Variants in VWCE observed in about 807,000 individuals in gnomAD.
The protein encoded by VWCE is von Willebrand factor C and EGF domain-containing protein.
Under a neutral mutation model 102.9 loss-of-function variants are expected in VWCE, and 68 were observed. The ratio of observed to expected loss-of-function variants is 0.66; its 90% CI spans 0.54 to 0.81. The LOEUF (loss-of-function observed/expected upper bound fraction) is 0.81, where lower values mean the gene tolerates loss of function less well. Among genes scored for constraint, VWCE ranks in the 30% least tolerant of loss-of-function variants. VWCE has a pLI of 0.00. For synonymous variants in VWCE, 497 were observed against 515.4 expected, an observed-to-expected ratio of 0.96 and a Z score of 0.48; for missense variants, 1,137 against 1,263.6, an observed-to-expected ratio of 0.90 and a Z score of 1.52.
At chr11:61,279,034 G>C (rs759394528) in intron 9 of VWCE, among the ~76,000 whole-genome samples, 1 of 149,320 alleles carries the variant, frequency 6.7e-6, no homozygotes, top group Non-Finnish European at 1.5e-5. Flanking sequence ...GCAACACTCC[G>C]TCTTAAAAAA....
chr11:61,280,530 T>G (rs2134810335), intron 9 of VWCE, 94 bp downstream of exon 9: 1 of 1,250,910 alleles, frequency 8.0e-7, no homozygotes. Flanking sequence ...GAGATTCTAA[T>G]GTATGCTAAT....
Position 61,280,822 on chromosome 11 carries a change from C to T in VWCE, c.1201G>A (p.Glu401Lys). ...AMHESRSRWT[E>K]PGCSQCWCED... ...CACCAGCACTGGGAACACCCAGGCTCTGTCCAGCGACTCCTTGATTCATGC... is the reference window on the plus strand; with the variant it reads ...CACCAGCACTGGGAACACCCAGGCTTTGTCCAGCGACTCCTTGATTCATGC... The change falls in exon 8 of 20, where the codon GAG becomes AAG. Residue 401 changes from glutamate to lysine, a missense_variant. Physicochemically the swap from Glu to Lys is moderately conservative, Grantham distance 56. Transcript: ENST00000335613. 6.4e-7 allele frequency: 1 copy of T among 1,573,768 alleles called. No homozygotes were observed. The highest frequency in any genetic ancestry group is 8.6e-7 in the Non-Finnish European group (1 of 1,160,676).
At chr11:61,280,551 A>G in intron 9 of VWCE, 73 bp downstream of exon 9, 1 of 1,477,510 alleles carries the variant, frequency 6.8e-7, no homozygotes, top group Non-Finnish European at 9.3e-7. Flanking sequence ...GTTAAAGAAC[A>G]GCCTTTTGGC....
Position 61,271,700 on chromosome 11 carries a change from T to A in VWCE, c.1760A>T (p.Asp587Val), listed in dbSNP as rs760336274. ...FPIGQIWSPG[D>V]PCELCICQAD... ...CTGGCAGATGCATAACTCACAGGGG[T>A]CACCAGGCGACCAGATCTGTCCAAT... Residue 587 changes from aspartate to valine, a missense_variant, in exon 14 of 20, where the codon GAC (aspartate) becomes GTC (valine). By Grantham distance (152) the Asp-to-Val change is radical (BLOSUM62 -3). Transcript: ENST00000335613. The A allele has an allele frequency of 2.6e-5, 42 of 1,613,104 alleles. No homozygotes were observed. Among genetic ancestry groups the A allele is most frequent in the Non-Finnish European group, 3.4e-5 (40 of 1,179,678 alleles).
At chr11:61,268,377 A>G (rs1854573495) in intron 15 of VWCE, among the ~76,000 whole-genome samples, 1 of 152,122 alleles carries the variant, frequency 6.6e-6, no homozygotes, top group Admixed American at 6.5e-5. Flanking sequence ...AACATGGTGA[A>G]ACCCCATCTC....
In VWCE at chr11:61,290,870, C is replaced by G; in HGVS notation, c.353G>C (p.Cys118Ser). 2.5e-6 allele frequency: 4 copies of G among 1,613,904 alleles called. No homozygotes were observed. Among genetic ancestry groups the G allele is most frequent in the Non-Finnish European group, 2.5e-6 (3 of 1,180,020 alleles). ...GGGGCACACTCGGGCCACCTCCTGA[C>G]AGCCTCCATGGTTGCAGGTAAGGTC... The part of the protein sequence containing the change: ...GCDLTCNHGG[C>S]QEVARVCPVG... Residue 118 changes from cysteine (C) to serine (S), a missense_variant, in exon 4 of 20, where the codon TGT (cysteine) becomes TCT (serine). Physicochemically the swap from Cys to Ser is moderately radical, Grantham distance 112. This residue lies in a region of VWCE where 575 missense variants were observed against 625.9 expected (regional missense o/e 0.92). Coordinates refer to ENST00000335613, the MANE Select transcript of VWCE (RefSeq NM_152718.2).
At chr11:61,278,101 T>C (rs541254802) in intron 10 of VWCE, among the ~76,000 whole-genome samples, 3 of 152,340 alleles carry the variant, frequency 2.0e-5, no homozygotes, top group Non-Finnish European at 4.4e-5. Flanking sequence ...ACAGCTTCCC[T>C]GGTGGGAAGT....
At position 61,282,903 on chromosome 11, in the gene VWCE, T is replaced by C. The variant is rs1855188162; in HGVS notation, c.544A>G (p.Thr182Ala). ...LSADRHSCQD[T>A]DECLGTPCQQ... ...CAGGGAGTCCCTAGGCATTCGTCAG[T>C]GTCTGGCAGGAAAAGGGACAAGACT... Residue 182 changes from threonine to alanine, a missense_variant and splice_region_variant, in exon 6 of 20, where the codon ACT (threonine) becomes GCT (alanine). Coordinates refer to ENST00000335613, the MANE Select transcript of VWCE (RefSeq NM_152718.2). 2 of 1,613,574 alleles carry C rather than the reference T, an allele frequency of 1.2e-6. No homozygotes were observed. The highest frequency in any genetic ancestry group is 1.7e-5 in the Admixed American group (1 of 59,998).
chr11:61,282,684 G>A (rs1855179055), intron 6 of VWCE, 105 bp downstream of exon 6: 3 of 902,500 alleles, frequency 3.3e-6, no homozygotes, highest in Non-Finnish European at 5.3e-6. Context: ...AAGCTCCAGA[G>A]GACCAGAAAG....
At chr11:61,265,877 C>A (rs1040615105) in intron 16 of VWCE, among the ~76,000 whole-genome samples, 2 of 152,048 alleles carry the variant, frequency 1.3e-5, no homozygotes, top group Non-Finnish European at 2.9e-5. Context: ...AAAACTCCGA[C>A]TCTACTAAAA....
At chr11:61,265,083 G>T in intron 17 of VWCE, 39 bp downstream of exon 17, 2 of 1,613,812 alleles carry the variant, frequency 1.2e-6, no homozygotes, top group Non-Finnish European at 8.5e-7. Flanking sequence ...CCGAGGCCTG[G>T]CCGGGAACCT....
chr11:61,267,537 G>A lies in VWCE; in HGVS notation c.1890C>T (p.Thr630=). 6.2e-7 allele frequency: 1 copy of A among 1,614,168 alleles called. No homozygotes were observed. Among genetic ancestry groups the A allele is most frequent in the Non-Finnish European group, 8.5e-7 (1 of 1,180,028 alleles). ...TGTTATAGAAGATTCTGCCTGTGTA[G>A]GTGCAGCCTGCCAGAGAGAGCATGC... ...QCCPDCSAGC[T]YTGRIFYNNE... Residue 630 remains threonine, a synonymous_variant, in exon 16 of 20, where the codon ACC becomes ACT. Transcript: ENST00000335613.
At chr11:61,278,349 G>A (rs117994695) in intron 10 of VWCE, 45 bp downstream of exon 10, 3 of 1,604,794 alleles carry the variant, frequency 1.9e-6, no homozygotes, top group Non-Finnish European at 2.6e-6. Flanking sequence ...ACCCCCAAAG[G>A]TTAAGAAAAC....
At chr11:61,283,259 C>A (rs1049017399) in intron 5 of VWCE, among the ~76,000 whole-genome samples, 1 of 152,180 alleles carries the variant, frequency 6.6e-6, no homozygotes, top group Non-Finnish European at 1.5e-5. Flanking sequence ...CTGCTCAAAA[C>A]CTCTCCGCTG....
chr11:61,261,521 T>C (rs907543032), intron 19 of VWCE, among the ~76,000 whole-genome samples: 2 of 151,932 alleles, frequency 1.3e-5, no homozygotes, highest in East Asian at 3.9e-4. Flanking sequence ...GGCGGGACGA[T>C]TGCTTGAGTC....
chr11:61,281,897 T>G lies in VWCE; in HGVS notation c.676A>C (p.Arg226=). 6.2e-7 allele frequency: 1 copy of G among 1,613,610 alleles called. No individual in the cohort carries two copies. The highest frequency in any genetic ancestry group is 8.5e-7 in the Non-Finnish European group (1 of 1,179,720). ...HSCVDVNECR[R]PLERRVCHHS... is the part of the protein sequence containing the mutation. The stretch of plus-strand genomic sequence containing the variant: ...TGACAGACTCGCCTCTCCAATGGCC[T>G]CCGACACTCGTTTACATCTGCGGGA... The change falls in exon 7 of 20, where the codon AGG becomes CGG. Residue 226 remains arginine (R), a synonymous_variant. Coordinates refer to ENST00000335613, the MANE Select transcript of VWCE (RefSeq NM_152718.2).
rs766435500 is a variant in VWCE at position 61,259,295 on chromosome 11, C to A, written c.2248G>T (p.Glu750Ter). 6.3e-7 allele frequency: 1 copy of A among 1,585,450 alleles called. No homozygotes were observed. The highest frequency in any genetic ancestry group is 1.2e-5 in the South Asian group (1 of 86,658). ...SSCPDSLSPL[E>*]EKQGLSPHGN... ...TGAGGGGAGAGCCCCTGCTTTTCTT[C>A]CAGAGGAGACAGGGAATCTAGAGAG... is the stretch of plus-strand genomic sequence containing the variant. The change falls in exon 20 of 20, where the codon GAA (glutamate) becomes TAA (stop). Residue 750 changes from glutamate to a stop codon, truncating the protein, a stop_gained. Coordinates refer to ENST00000335613, the MANE Select transcript of VWCE (RefSeq NM_152718.2). LOFTEE classifies it low-confidence loss of function (END_TRUNC).
At chr11:61,280,743 C>A (rs763744555) in intron 8 of VWCE, 26 bp from the exon 9 acceptor site, 4 of 1,613,564 alleles carry the variant, frequency 2.5e-6, no homozygotes, top group South Asian at 1.1e-5. Context: ...GGAGTTAGAG[C>A]CACCACAAGG....
intron 15 of VWCE, 48 bp from the exon 16 acceptor site, chr11:61,267,592 C>T: frequency 6.3e-7 from 1 of 1,589,594 alleles, no homozygotes; most frequent in Non-Finnish European, 8.6e-7. Context: ...TGGCCAGGCA[C>T]CAGGCTTCCC....
Sources: allele counts gnomAD v4.1 joint callset (sites outside exome capture counted in the v4.1 genomes callset), GRCh38; gene constraint gnomAD v4.1.1; regional missense constraint gnomAD v4.1.1; transcripts MANE v1.5; gene names NCBI Gene and HGNC (gene_info 2026-07-23, HGNC 2026-07-21).